Variants in MKI67 observed in about 807,000 individuals in gnomAD.
The protein encoded by MKI67 is proliferation marker protein Ki-67.
A neutral mutation model predicts 233.5 loss-of-function variants in MKI67; 152 were observed. The ratio of observed to expected loss-of-function variants is 0.65; its 90% CI spans 0.57 to 0.74. The LOEUF (loss-of-function observed/expected upper bound fraction) is 0.74. MKI67 is among the 30% of genes least tolerant of loss of function. MKI67 has a pLI of 0.00. For synonymous variants in MKI67, 1,465 were observed against 1,418.5 expected (o/e 1.03, Z -0.74); for missense variants, 3,940 against 3,885.2 (o/e 1.01, Z -0.37).
chr10:128,100,771 A>G lies in MKI67; in HGVS notation c.9705+487T>C, dbSNP rs570524942. 4.6e-5 allele frequency among the ~76,000 whole-genome samples: 7 copies of G among 152,292 alleles called. No homozygotes were observed. In the South Asian group the frequency reaches 1.4e-3, roughly 32 times the overall value. ...GGGTTGGAGGGCAGACGCATCCCCC[A>G]CTGACCAGGAACTCTCACATAGTGA... On this transcript the variant is annotated intron_variant, in intron 14 of 14. Coordinates refer to ENST00000368654, the MANE Select transcript of MKI67 (RefSeq NM_002417.5).
chr10:128,102,901 G>T lies in MKI67; in HGVS notation c.8939C>A (p.Pro2980His). The T allele has an allele frequency of 6.2e-7, 1 of 1,614,190 alleles. No individual in the cohort carries two copies. The highest frequency in any genetic ancestry group is 1.1e-5 in the South Asian group (1 of 91,082). Reference sequence around the variant, plus strand: ...GTTGCTTTTGCTTTGTGATTTTACAGGGTCTCTGGTGCTTACCACGTCTCC... The same window carrying T: ...GTTGCTTTTGCTTTGTGATTTTACATGGTCTCTGGTGCTTACCACGTCTCC... ...PVGDVVSTRD[P>H]VKSQSKSNTS... The change falls in exon 13 of 15, where the codon CCT (proline) becomes CAT (histidine). Residue 2980 changes from proline to histidine, a missense_variant. Coordinates refer to ENST00000368654, the MANE Select transcript of MKI67 (RefSeq NM_002417.5).
At chr10:128,116,631 G>A in intron 5 of MKI67, 95 bp from the exon 6 acceptor site, 1 of 1,239,792 alleles carries the variant, frequency 8.1e-7, no homozygotes, top group South Asian at 1.2e-5. Flanking sequence ...TTCTGGCTGG[G>A]CATGATGGCT....
In MKI67 at chr10:128,107,246, G is replaced by T; in HGVS notation, c.4594C>A (p.Pro1532Thr). 3 of 1,614,140 alleles carry T rather than the reference G, an allele frequency of 1.9e-6. No individual in the cohort carries two copies. The highest frequency in any genetic ancestry group is 1.7e-6 in the Non-Finnish European group (2 of 1,180,034). The change falls in exon 13 of 15, where the codon CCA becomes ACA. Residue 1532 changes from proline to threonine, a missense_variant. Coordinates refer to ENST00000368654, the MANE Select transcript of MKI67 (RefSeq NM_002417.5). ...GTGTGCATGGCTTTGCCTGCTGATG[G>T]TGTTCGTTTCCTGAGTGCGAAGAAT... is the stretch of plus-strand genomic sequence containing the variant. ...EEFFALRKRT[P>T]SAGKAMHTPK...
Position 128,103,921 on chromosome 10 carries a change from T to C in MKI67, c.7919A>G (p.Asp2640Gly). Residue 2640 changes from aspartate to glycine, a missense_variant, in exon 13 of 15, where the codon GAT (aspartate) becomes GGT (glycine). Physicochemically the swap from Asp to Gly is moderately conservative, Grantham distance 94. Transcript: ENST00000368654. ...THTHKEPASGDEGIKVLKQRA... is the reference protein window; with the variant it reads ...THTHKEPASGGEGIKVLKQRA... Reference sequence around the variant, plus strand: ...TTGCTTCAATACTTTGATGCCCTCATCACCGCTTGCTGGTTCTTTGTGTGT... The same window carrying C: ...TTGCTTCAATACTTTGATGCCCTCACCACCGCTTGCTGGTTCTTTGTGTGT... 1 of 1,614,076 alleles carries C rather than the reference T, an allele frequency of 6.2e-7. No homozygotes were observed. Among genetic ancestry groups the C allele is most frequent in the Non-Finnish European group, 8.5e-7 (1 of 1,180,026 alleles).
In MKI67 at chr10:128,105,233, T is replaced by A. The variant is rs759987699; in HGVS notation, c.6607A>T (p.Thr2203Ser). ...DLAGLKELFQTPICTDKPTTH... is the reference protein window; with the variant it reads ...DLAGLKELFQSPICTDKPTTH... ...GTGGGCTTGTCAGTGCATATTGGTG[T>A]CTGGAAGAGCTCTTTCAAGCCAGCC... is the stretch of plus-strand genomic sequence containing the variant. Residue 2203 changes from threonine to serine, a missense_variant, in exon 13 of 15, where the codon ACA becomes TCA. Physicochemically the swap from Thr to Ser is moderately conservative, Grantham distance 58. Transcript: ENST00000368654. 1 of 1,614,148 alleles carries A rather than the reference T, an allele frequency of 6.2e-7. No homozygotes were observed. Among genetic ancestry groups the A allele is most frequent in the Non-Finnish European group, 8.5e-7 (1 of 1,180,020 alleles).
Position 128,105,556 on chromosome 10 carries a change from T to G in MKI67, c.6284A>C (p.Asp2095Ala). Reference protein sequence around the residue: ...TPDHTEESTTDDKTTKIACKS... With the variant: ...TPDHTEESTTADKTTKIACKS... ...GCAGGCTATTTTGGTAGTTTTGTCA[T>G]CAGTTGTTGATTCCTCAGTGTGGTC... The change falls in exon 13 of 15, where the codon GAT becomes GCT. Residue 2095 changes from aspartate to alanine, a missense_variant. Physicochemically the swap from Asp to Ala is moderately radical, Grantham distance 126. Transcript: ENST00000368654. 1 of 1,614,028 alleles carries G rather than the reference T, an allele frequency of 6.2e-7. No homozygotes were observed. Among genetic ancestry groups the G allele is most frequent in the Admixed American group, 1.7e-5 (1 of 60,012 alleles).
chr10:128,117,800 G>C (rs974913520), intron 5 of MKI67, among the ~76,000 whole-genome samples: 1 of 152,088 alleles, frequency 6.6e-6, no homozygotes. Context: ...TCTCACTTTT[G>C]TTGTACGATT....
Position 128,108,741 on chromosome 10 carries a change from A to T in MKI67, c.3099T>A (p.Gly1033=), listed in dbSNP as rs1437750367. The change falls in exon 13 of 15, where the codon GGT becomes GGA. Residue 1033 remains glycine, a synonymous_variant. Coordinates refer to ENST00000368654, the MANE Select transcript of MKI67 (RefSeq NM_002417.5). ...CGACTGCTAGGAGCTCTTCTTTCACACCTACTTTCCCCAGGGATGCCTTCA... is the reference window on the plus strand; with the variant it reads ...CGACTGCTAGGAGCTCTTCTTTCACTCCTACTTTCCCCAGGGATGCCTTCA... The part of the protein sequence containing the change: ...QQLKASLGKV[G]VKEELLAVGK... 3.7e-6 allele frequency: 6 copies of T among 1,613,976 alleles called. No individual in the cohort carries two copies. Among genetic ancestry groups the T allele is most frequent in the Non-Finnish European group, 5.1e-6 (6 of 1,180,006 alleles).
Position 128,122,991 on chromosome 10 carries a change from T to C in MKI67, c.177A>G (p.Ile59Met), listed in dbSNP as rs1440196415. Reference protein sequence around the residue: ...CKIEIHEQEAILHNFSSTNPT... With the variant: ...CKIEIHEQEAMLHNFSSTNPT... Reference sequence around the variant, plus strand: ...GATTTGTGGAACTGAAATTATGTAATATTGCCTGCAAGTGAAAAGAAGGGG... The same window carrying C: ...GATTTGTGGAACTGAAATTATGTAACATTGCCTGCAAGTGAAAAGAAGGGG... The change falls in exon 4 of 15, where the codon ATA becomes ATG. Residue 59 changes from isoleucine to methionine, a missense_variant. Ile to Met is a conservative substitution (Grantham distance 10, BLOSUM62 1). Transcript: ENST00000368654. The C allele has an allele frequency of 6.3e-7, 1 of 1,598,242 alleles. No homozygotes were observed. The highest frequency in any genetic ancestry group is 1.1e-5 in the South Asian group (1 of 90,562).
At position 128,105,957 on chromosome 10, in the gene MKI67, G is replaced by A; in HGVS notation, c.5883C>T (p.Phe1961=). The A allele has an allele frequency of 1.2e-6, 2 of 1,614,164 alleles. No homozygotes were observed. The highest frequency in any genetic ancestry group is 1.7e-6 in the Non-Finnish European group (2 of 1,180,016). ...ATTCCTCAGTGTGACCTGGTGTCTG[G>A]AAGAGCTCTTTGAAGCCAGCCAGAT... The part of the protein sequence containing the change: ...LEDLAGFKEL[F]QTPGHTEESM... The change falls in exon 13 of 15, where the codon TTC becomes TTT. Residue 1961 remains phenylalanine, a synonymous_variant. Transcript: ENST00000368654.
rs904622238 is a variant in MKI67 at position 128,119,197 on chromosome 10, T to C, written c.354+56A>G. 7 of 1,249,980 alleles carry C rather than the reference T, an allele frequency of 5.6e-6. No homozygotes were observed. In the African/African-American group the frequency reaches 5.9e-5, roughly 11 times the overall value. The allele number at this position is 1,249,980 out of a possible 1,614,324, so 77.4% of individuals were successfully genotyped here. On this transcript the variant is annotated intron_variant, in intron 5 of 14. Transcript: ENST00000368654. ...AAGTAAGAAATCATTAAAGCATACATAAATGATTTCATATCATCGAAACGA... is the reference window on the plus strand; with the variant it reads ...AAGTAAGAAATCATTAAAGCATACACAAATGATTTCATATCATCGAAACGA...
rs1852619100 is a variant in MKI67, at chr10:128,109,392, T to C, written c.2448A>G (p.Ala816=). ...GGNVFFSAQN[A]AKQPSDKCSA... Reference sequence around the variant, plus strand: ...AGCATTTATCAGATGGCTGTTTTGCTGCATTCTGTGCACTGAAGAACACAT... The same window carrying C: ...AGCATTTATCAGATGGCTGTTTTGCCGCATTCTGTGCACTGAAGAACACAT... Residue 816 remains alanine (A), a synonymous_variant, in exon 13 of 15, where the codon GCA becomes GCG. Coordinates refer to ENST00000368654, the MANE Select transcript of MKI67 (RefSeq NM_002417.5). 6.2e-7 allele frequency: 1 copy of C among 1,613,810 alleles called. No homozygotes were observed. Among genetic ancestry groups the C allele is most frequent in the Non-Finnish European group, 8.5e-7 (1 of 1,179,796 alleles).
rs1225324359 is a variant in MKI67, at chr10:128,105,522, T to C, written c.6318A>G (p.Pro2106=). ...DKTTKIACKS[P]PPESMDTPTS... ...TTGGAGTGTCCATTGATTCTGGTGG[T>C]GGAGATTTGCAGGCTATTTTGGTAG... Residue 2106 remains proline, a synonymous_variant, in exon 13 of 15, where the codon CCA becomes CCG. Transcript: ENST00000368654. The C allele has an allele frequency of 1.2e-6, 2 of 1,614,032 alleles. No individual in the cohort carries two copies. The highest frequency in any genetic ancestry group is 4.5e-5 in the East Asian group (2 of 44,866).
chr10:128,106,120 G>A lies in MKI67; in HGVS notation c.5720C>T (p.Pro1907Leu). ...TTTCTCTTCACCTACTGCTGCTTTA[G>A]GCGTGTGCATGGCTTTGCCTGCTGA... The part of the protein sequence containing the change: ...TPSAGKAMHT[P>L]KAAVGEEKDI... The change falls in exon 13 of 15, where the codon CCT becomes CTT. Residue 1907 changes from proline (P) to leucine (L), a missense_variant. By Grantham distance (98) the Pro-to-Leu change is moderately conservative. Transcript: ENST00000368654. 6.2e-7 allele frequency: 1 copy of A among 1,614,068 alleles called. No individual in the cohort carries two copies. The highest frequency in any genetic ancestry group is 1.1e-5 in the South Asian group (1 of 91,076).
chr10:128,111,394 G>A, intron 11 of MKI67: 1 of 412,062 alleles, frequency 2.4e-6, no homozygotes, highest in Non-Finnish European at 4.3e-6. Context: ...GCTCTCCAGG[G>A]TAAAGACATG....
chr10:128,112,201 C>G lies in MKI67; in HGVS notation c.1901G>C (p.Ser634Thr). Reference protein sequence around the residue: ...LPSKRVSISRSQHDILQMICS... With the variant: ...LPSKRVSISRTQHDILQMICS... ...TATCATCTGTAAAATATCATGTTGACTTCGGCTGATAGACACTCTCTTTGA... is the reference window on the plus strand; with the variant it reads ...TATCATCTGTAAAATATCATGTTGAGTTCGGCTGATAGACACTCTCTTTGA... Residue 634 changes from serine (S) to threonine (T), a missense_variant, in exon 9 of 15, where the codon AGT becomes ACT. Coordinates refer to ENST00000368654, the MANE Select transcript of MKI67 (RefSeq NM_002417.5). 3 of 1,614,234 alleles carry G rather than the reference C, an allele frequency of 1.9e-6. No individual in the cohort carries two copies. Among genetic ancestry groups the G allele is most frequent in the Non-Finnish European group, 2.5e-6 (3 of 1,180,050 alleles).
rs779476713 is a variant in MKI67, at chr10:128,115,493, C to T, written c.915G>A (p.Glu305=). The T allele has an allele frequency of 1.9e-6, 3 of 1,614,074 alleles. No homozygotes were observed. In the Admixed American group the frequency reaches 5.0e-5, roughly 27 times the overall value. Residue 305 remains glutamate (E), a synonymous_variant, in exon 7 of 15, where the codon GAG becomes GAA. Coordinates refer to ENST00000368654, the MANE Select transcript of MKI67 (RefSeq NM_002417.5). ...CAAGCTCTTGTTCAGGTGAAGCAGG[C>T]TCTGCCACAGCGTGGCCGCTCCCAC... ...KSGGSGHAVA[E]PASPEQELDQ...
intron 4 of MKI67, among the ~76,000 whole-genome samples, chr10:128,120,027 A>G (rs934656668): frequency 2.6e-5 from 4 of 152,250 alleles, no homozygotes; most frequent in African/African-American, 9.6e-5. Flanking sequence ...GATCTGAAGC[A>G]GTCACACATC....
At position 128,101,553 on chromosome 10, in the gene MKI67, T is replaced by C; in HGVS notation, c.9410A>G (p.Asp3137Gly). 1 of 1,614,230 alleles carries C rather than the reference T, an allele frequency of 6.2e-7. No individual in the cohort carries two copies. The highest frequency in any genetic ancestry group is 8.5e-7 in the Non-Finnish European group (1 of 1,180,032). Residue 3137 changes from aspartate (D) to glycine (G), a missense_variant, in exon 14 of 15, where the codon GAT becomes GGT. Coordinates refer to ENST00000368654, the MANE Select transcript of MKI67 (RefSeq NM_002417.5). ...TSPEMDIQNP[D>G]DGARKPIPRD... is the part of the protein sequence containing the mutation. ...AGGTATGGGTTTCCGGGCTCCATCA[T>C]CTGGATTCTGAATGTCCATCTCTGG...
Sources: allele counts gnomAD v4.1 joint callset (sites outside exome capture counted in the v4.1 genomes callset), GRCh38; gene constraint gnomAD v4.1.1; transcripts MANE v1.5; gene names NCBI Gene and HGNC (gene_info 2026-07-23, HGNC 2026-07-21).